The following CD2AP variants were observed in gnomAD, a reference collection of about 807,000 sequenced individuals.
CD2AP encodes the protein CD2-associated protein.
A neutral mutation model predicts 85.1 loss-of-function variants in CD2AP; 46 were observed. That is an observed-to-expected ratio of 0.54 (90% confidence interval 0.43 to 0.69). The LOEUF (loss-of-function observed/expected upper bound fraction) is 0.69, where lower values mean the gene tolerates loss of function less well. Ranked by LOEUF, CD2AP falls within the 30% of genes least tolerant of loss-of-function variation. CD2AP has a pLI of 0.00. For missense variants in CD2AP, 769 were observed against 729.5 expected (o/e 1.05, Z -0.62); for synonymous variants, 255 against 252.9 (o/e 1.01, Z -0.08).
chr6:47,547,569 C>T (rs565773676), intron 4 of CD2AP, among the ~76,000 whole-genome samples: 6 of 151,958 alleles, frequency 3.9e-5, no homozygotes, highest in African/African-American at 1.4e-4. Context: ...GATAGTAAGA[C>T]AATAATAGTG....
chr6:47,570,682 T>G (rs901727189), intron 5 of CD2AP, among the ~76,000 whole-genome samples: 1 of 152,174 alleles, frequency 6.6e-6, no homozygotes, highest in Non-Finnish European at 1.5e-5. Context: ...AGGCACTGTT[T>G]AAAGCACTTC....
chr6:47,506,793 CGGAGGGAGAGGGAGAGGGAGAGGG>C (rs70999628), intron 2 of CD2AP, among the ~76,000 whole-genome samples: 39,181 of 133,450 alleles, frequency 0.29, 6,374 homozygotes, highest in African/African-American at 0.39. Flanking sequence ...GAGAGGGAGA[CGGAGGGAGAGGGAGAGGGAGAGGG>C]AGAGGGAGAG....
chr6:47,556,112 A>G (rs1047057512), intron 5 of CD2AP, among the ~76,000 whole-genome samples: 3 of 146,472 alleles, frequency 2.0e-5, no homozygotes, highest in Non-Finnish European at 3.0e-5. Context: ...CTGAACGTGC[A>G]GGTTTGTTAC....
chr6:47,589,565 C>CACACACACACACATATATATATATAT lies in CD2AP; in HGVS notation c.1109-6295_1109-6294insCACACACACACATATATATATATATA, dbSNP rs139814970. Among the ~76,000 whole-genome samples, 4 of 120,998 alleles carry CACACACACACACATATATATATATAT rather than the reference C, an allele frequency of 3.3e-5. No individual in the cohort carries two copies. The South Asian group carries it at 1.2e-3, about 37-fold the overall frequency. The allele number at this position is 120,998 out of a possible 152,430, so 79.4% of individuals were successfully genotyped here. A position where few individuals can be genotyped will look rare whatever the true frequency, so the allele number is the denominator to read the frequency against. On this transcript the variant is annotated intron_variant, in intron 11 of 17. Transcript: ENST00000359314. ...ACACATATATATACACACACACACA[C>CACACACACACACATATATATATATAT]ATATATATATATATATTTGTCAGAG... is the stretch of plus-strand genomic sequence containing the variant.
intron 1 of CD2AP, among the ~76,000 whole-genome samples, chr6:47,493,197 C>T (rs1332522529): frequency 6.6e-6 from 1 of 151,984 alleles, no homozygotes; most frequent in African/African-American, 2.4e-5. Context: ...ATTTGAGTTT[C>T]TGACCTGTAT....
At chr6:47,618,944 A>G (rs1279560194) in intron 17 of CD2AP, among the ~76,000 whole-genome samples, 1 of 152,222 alleles carries the variant, frequency 6.6e-6, no homozygotes, top group Admixed American at 6.5e-5. Context: ...AAGGAGAAAG[A>G]TGTTTCTCCA....
At chr6:47,533,517 A>AATT in intron 2 of CD2AP, 85 bp from the exon 3 acceptor site, 1 of 1,225,102 alleles carries the variant, frequency 8.2e-7, no homozygotes, top group Non-Finnish European at 1.2e-6. Flanking sequence ...TAATTACTGT[A>AATT]GCTATTTTTT....
chr6:47,481,534 C>G (rs2113955736), intron 1 of CD2AP, among the ~76,000 whole-genome samples: 1 of 152,142 alleles, frequency 6.6e-6, no homozygotes, highest in South Asian at 2.1e-4. Context: ...TTAGTAGAGA[C>G]AGGGTTTCAC....
chr6:47,516,137 T>C (rs925928646), intron 2 of CD2AP, among the ~76,000 whole-genome samples: 1 of 152,222 alleles, frequency 6.6e-6, no homozygotes, highest in East Asian at 1.9e-4. Context: ...TAGTTTACAT[T>C]GTGGTACCAA....
chr6:47,508,673 T>G (rs1282725742), intron 2 of CD2AP, among the ~76,000 whole-genome samples: 1 of 151,722 alleles, frequency 6.6e-6, no homozygotes, highest in East Asian at 1.9e-4. Flanking sequence ...GTCTCCTGAG[T>G]AGCTGGGATT....
intron 2 of CD2AP, among the ~76,000 whole-genome samples, chr6:47,513,883 A>T (rs1482456725): frequency 4.4e-5 from 6 of 136,320 alleles, no homozygotes; most frequent in South Asian, 2.5e-4. Context: ...TTTAAAAAAA[A>T]TTTTTTTTTG....
At chr6:47,607,283 T>A (rs926715821) in intron 14 of CD2AP, among the ~76,000 whole-genome samples, 2 of 152,134 alleles carry the variant, frequency 1.3e-5, no homozygotes, top group Non-Finnish European at 2.9e-5. Context: ...GGAGTGCAGA[T>A]ATCCCTTTGA....
intron 11 of CD2AP, among the ~76,000 whole-genome samples, chr6:47,592,437 G>A: frequency 6.6e-6 from 1 of 152,062 alleles, no homozygotes; most frequent in East Asian, 1.9e-4. Context: ...TTGGCAATAG[G>A]TTTTTAGATA....
chr6:47,528,533 T>G (rs984444637), intron 2 of CD2AP, among the ~76,000 whole-genome samples: 1 of 152,206 alleles, frequency 6.6e-6, no homozygotes, highest in Non-Finnish European at 1.5e-5. Flanking sequence ...TGGATTAGAG[T>G]GTTATACAAC....
intron 1 of CD2AP, among the ~76,000 whole-genome samples, chr6:47,485,323 A>G (rs780544226): frequency 1.3e-5 from 2 of 152,140 alleles, no homozygotes; most frequent in African/African-American, 2.4e-5. Flanking sequence ...AGACAGTGAT[A>G]TTGATGATCC....
At chr6:47,544,362 G>A (rs1767311560) in intron 3 of CD2AP, among the ~76,000 whole-genome samples, 2 of 151,970 alleles carry the variant, frequency 1.3e-5, no homozygotes, top group African/African-American at 4.8e-5. Flanking sequence ...TGGATATTTT[G>A]CTTTTGTGTA....
In CD2AP at chr6:47,581,035, A is replaced by AT. The variant is rs1284740935; in HGVS notation, c.1045+137dup. On this transcript the variant is annotated intron_variant, in intron 10 of 17. Coordinates refer to ENST00000359314, the MANE Select transcript of CD2AP (RefSeq NM_012120.3). ...TAAACATTTTTAGAAATATATGAAA[A>AT]TTGAGTGTTCACATGCATTAGTATC... 3.3e-5 allele frequency: 23 copies of AT among 705,152 alleles called. No homozygotes were observed. The Admixed American group carries it at 5.1e-4, about 16-fold the overall frequency. The allele number at this position is 705,152 out of a possible 1,614,324, so 43.7% of individuals were successfully genotyped here. A position where few individuals can be genotyped will look rare whatever the true frequency, so the allele number is the denominator to read the frequency against.
At chr6:47,480,144 G>A (rs916483668) in intron 1 of CD2AP, among the ~76,000 whole-genome samples, 1 of 152,070 alleles carries the variant, frequency 6.6e-6, no homozygotes, top group Non-Finnish European at 1.5e-5. Context: ...CTTAGAATGT[G>A]TTTTGAAGGT....
intron 5 of CD2AP, chr6:47,562,933 T>C: frequency 1.7e-6 from 1 of 594,982 alleles, no homozygotes; most frequent in Non-Finnish European, 3.1e-6. Flanking sequence ...TATAAAGAAA[T>C]TGGTTGTGGT....
Sources: gnomAD v4.1 joint callset for allele counts (sites outside exome capture counted in the v4.1 genomes callset) on GRCh38, gnomAD v4.1.1 for gene constraint, MANE v1.5 for transcripts, NCBI Gene and HGNC (gene_info 2026-07-23, HGNC 2026-07-21) for gene names.